EYS: variants seen among roughly 807,000 people sequenced by gnomAD.
EYS encodes protein eyes shut homolog.
In EYS, 250 loss-of-function variants were observed where a neutral mutation model predicts 282.1. The observed-to-expected ratio is 0.89, with a 90% CI of 0.80 to 0.98. The LOEUF (loss-of-function observed/expected upper bound fraction) is 0.98, where lower values mean the gene tolerates loss of function less well. Among genes scored for constraint, EYS ranks in the 50% least tolerant of loss-of-function variants. The probability of loss-of-function intolerance (pLI) is 0.00; values close to 1 mark genes in which losing one functional copy is unlikely to be tolerated. For synonymous variants in EYS, 1,355 were observed against 1,282.9 expected (o/e 1.06, Z -1.20); for missense variants, 4,016 against 3,709.0 (o/e 1.08, Z -2.15).
At chr6:65,472,780 A>G (rs1277107296) in intron 5 of EYS, among the ~76,000 whole-genome samples, 1 of 151,422 alleles carries the variant, frequency 6.6e-6, no homozygotes, top group African/African-American at 2.4e-5. Flanking sequence ...TTTATTTAAA[A>G]CTCACTATTT....
intron 19 of EYS, among the ~76,000 whole-genome samples, chr6:64,853,787 C>T (rs1334989878): frequency 6.6e-6 from 1 of 151,904 alleles, no homozygotes; most frequent in South Asian, 2.1e-4. Context: ...TTCTGCACAG[C>T]AAAAGAACAT....
chr6:65,322,460 G>A (rs1486029647), intron 11 of EYS, among the ~76,000 whole-genome samples: 1 of 152,234 alleles, frequency 6.6e-6, no homozygotes, highest in East Asian at 1.9e-4. Flanking sequence ...ACTGGGGCTG[G>A]TTATGCAGCA....
At chr6:65,083,262 A>G (rs1774275601) in intron 12 of EYS, among the ~76,000 whole-genome samples, 1 of 152,058 alleles carries the variant, frequency 6.6e-6, no homozygotes, top group African/African-American at 2.4e-5. Context: ...AGAAATCAGT[A>G]TTCTATGATT....
chr6:63,937,290 T>C (rs180836013), intron 35 of EYS, among the ~76,000 whole-genome samples: 1 of 147,616 alleles, frequency 6.8e-6, no homozygotes, highest in East Asian at 2.0e-4. Flanking sequence ...TGTGCTATTA[T>C]CTGAAGTGAT....
intron 13 of EYS, among the ~76,000 whole-genome samples, chr6:64,999,985 A>G (rs1341326596): frequency 6.6e-6 from 1 of 152,196 alleles, no homozygotes; most frequent in Non-Finnish European, 1.5e-5. Context: ...AACCCAGGAT[A>G]CAGAAAGCCC....
chr6:64,731,474 T>C (rs569085055), intron 22 of EYS, among the ~76,000 whole-genome samples: 61 of 151,892 alleles, frequency 4.0e-4, no homozygotes, highest in Admixed American at 9.2e-4. Flanking sequence ...ACAAGAAAAA[T>C]ACAATGCTAT....
rs1175039510 is a variant in EYS at position 65,335,110 on chromosome 6, C to T, written c.1636G>A (p.Asp546Asn). The T allele has an allele frequency of 6.2e-7, 1 of 1,611,778 alleles. No homozygotes were observed. Among genetic ancestry groups the T allele is most frequent in the Admixed American group, 1.7e-5 (1 of 59,734 alleles). ...CATAGATACCGATATTCCTGACTGT[C>T]TTCTTCACTCAAACAACTGCATCCA... ...ANGCSCLSEEDSQEYRYLCFL... is the reference protein window; with the variant it reads ...ANGCSCLSEENSQEYRYLCFL... The change falls in exon 11 of 43, where the codon GAC becomes AAC. Residue 546 changes from aspartate (D) to asparagine (N), a missense_variant. Asp to Asn is a conservative substitution (Grantham distance 23). Coordinates refer to ENST00000503581, the MANE Select transcript of EYS (RefSeq NM_001142800.2).
rs1457819057 is a variant in EYS, at chr6:65,455,105, T to C, written c.862+35489A>G. Among the ~76,000 whole-genome samples the C allele has an allele frequency of 2.6e-5, 4 of 152,286 alleles. No individual in the cohort carries two copies. The South Asian group carries it at 8.3e-4, about 32-fold the overall frequency. The stretch of plus-strand genomic sequence containing the variant: ...GGTTGCTTAGGGTAGTACAGCCACA[T>C]AACAATACCAATTCTTCCCATTTGT... On this transcript the variant is annotated intron_variant, in intron 5 of 42. Coordinates refer to ENST00000503581, the MANE Select transcript of EYS (RefSeq NM_001142800.2).
chr6:64,741,676 G>T (rs565726137), intron 22 of EYS, among the ~76,000 whole-genome samples: 1 of 152,168 alleles, frequency 6.6e-6, no homozygotes, highest in African/African-American at 2.4e-5. Flanking sequence ...ATCAGCACTT[G>T]CTCCTTCACC....
chr6:64,520,709 T>TC (rs1214376857), intron 26 of EYS, among the ~76,000 whole-genome samples: 2 of 150,276 alleles, frequency 1.3e-5, no homozygotes, highest in East Asian at 3.9e-4. Context: ...ATTTTAAAAT[T>TC]TTTTTCCCTG....
intron 1 of EYS, among the ~76,000 whole-genome samples, chr6:65,702,523 C>A (rs1769713629): frequency 6.6e-6 from 1 of 152,040 alleles, no homozygotes; most frequent in Middle Eastern, 3.2e-3. Flanking sequence ...GAAAGCTTGT[C>A]TCTACTAAAA....
intron 12 of EYS, among the ~76,000 whole-genome samples, chr6:65,277,230 C>G (rs1450201785): frequency 2.0e-5 from 3 of 151,852 alleles, no homozygotes; most frequent in Non-Finnish European, 2.9e-5. Flanking sequence ...GTCAGGAGAT[C>G]AAGACCTTCC....
Position 65,329,521 on chromosome 6 carries a change from C to G in EYS, c.1766+5459G>C, listed in dbSNP as rs972382695. The G allele has an allele frequency of 4.0e-5, 39 of 982,352 alleles. No homozygotes were observed. The Middle Eastern group carries it at 2.1e-3, about 52-fold the overall frequency. The allele number at this position is 982,352 out of a possible 1,614,324, so 60.9% of individuals were successfully genotyped here. ...TGATCTAGTGGTTTCAAGACTGGCC[C>G]CAACCCAAAAATACATTCAATATGA... On this transcript the variant is annotated intron_variant, in intron 11 of 42. Transcript: ENST00000503581.
intron 30 of EYS, among the ~76,000 whole-genome samples, chr6:64,247,831 A>G (rs1398077952): frequency 6.6e-6 from 1 of 152,200 alleles, no homozygotes; most frequent in African/African-American, 2.4e-5. Flanking sequence ...GTCTCAAGGT[A>G]AATATTTGTA....
chr6:64,109,107 T>C (rs1424985317), intron 31 of EYS, among the ~76,000 whole-genome samples: 1 of 152,154 alleles, frequency 6.6e-6, no homozygotes, highest in African/African-American at 2.4e-5. Flanking sequence ...GTAGAACATT[T>C]ACATCAGCTG....
chr6:64,848,881 A>G (rs1765796383), intron 19 of EYS, among the ~76,000 whole-genome samples: 1 of 152,120 alleles, frequency 6.6e-6, no homozygotes, highest in Non-Finnish European at 1.5e-5. Flanking sequence ...AATGTTATTT[A>G]TCAGATGAGA....
intron 31 of EYS, among the ~76,000 whole-genome samples, chr6:64,210,894 C>G (rs1403534433): frequency 1.3e-5 from 2 of 152,124 alleles, no homozygotes; most frequent in Non-Finnish European, 2.9e-5. Flanking sequence ...AATTCTCTCT[C>G]CCTACTGGAG....
intron 31 of EYS, among the ~76,000 whole-genome samples, chr6:64,173,413 C>A (rs1764538260): frequency 6.6e-6 from 1 of 152,084 alleles, no homozygotes; most frequent in Non-Finnish European, 1.5e-5. Flanking sequence ...CCTAGGTGGT[C>A]CAGAAGCTGG....
chr6:64,594,239 G>C (rs1022696260), intron 24 of EYS, among the ~76,000 whole-genome samples: 1 of 152,078 alleles, frequency 6.6e-6, no homozygotes, highest in African/African-American at 2.4e-5. Context: ...TCGCAACAAA[G>C]AAAAGCCCAG....
Sources: gnomAD v4.1 joint callset for allele counts (sites outside exome capture counted in the v4.1 genomes callset) on GRCh38, gnomAD v4.1.1 for gene constraint, MANE v1.5 for transcripts, NCBI Gene and HGNC (gene_info 2026-07-23, HGNC 2026-07-21) for gene names.